Variants in ADAMTSL1 observed in about 807,000 individuals in gnomAD.
ADAMTSL1 encodes the protein ADAMTS like 1, also known as ADAMTS-like protein 1.
In ADAMTSL1, 126 loss-of-function variants were observed where a neutral mutation model predicts 201.8. That is an observed-to-expected ratio of 0.62 (90% CI 0.54 to 0.72). The LOEUF (loss-of-function observed/expected upper bound fraction) is 0.72. Among genes scored for constraint, ADAMTSL1 ranks in the 30% least tolerant of loss-of-function variants. ADAMTSL1 has a pLI of 0.00. For missense variants in ADAMTSL1, 2,679 were observed against 2,277.8 expected, an observed-to-expected ratio of 1.18 and a Z score of -3.59; for synonymous variants, 1,121 against 903.4, an observed-to-expected ratio of 1.24 and a Z score of -4.32.
At chr9:18,326,110 C>T (rs1834822426) in intron 2 of ADAMTSL1, among the ~76,000 whole-genome samples, 1 of 152,170 alleles carries the variant, frequency 6.6e-6, no homozygotes, top group South Asian at 2.1e-4. Context: ...AAGGCCCCAC[C>T]TCTTAATGCT....
intron 1 of ADAMTSL1, among the ~76,000 whole-genome samples, chr9:18,107,260 G>A (rs1824799085): frequency 6.6e-6 from 1 of 152,256 alleles, no homozygotes. Flanking sequence ...CAAAATTTGT[G>A]AGCTGGATGG....
At chr9:18,060,622 C>T (rs1463740255) in intron 1 of ADAMTSL1, among the ~76,000 whole-genome samples, 2 of 152,092 alleles carry the variant, frequency 1.3e-5, no homozygotes, top group Non-Finnish European at 2.9e-5. Flanking sequence ...AAAACAAAAA[C>T]CATAAAACAA....
At chr9:18,509,481 G>T (rs548439683) in intron 2 of ADAMTSL1, among the ~76,000 whole-genome samples, 1 of 152,158 alleles carries the variant, frequency 6.6e-6, no homozygotes, top group Non-Finnish European at 1.5e-5. Flanking sequence ...AGGAATTATT[G>T]CTTGGCTAGG....
intron 2 of ADAMTSL1, among the ~76,000 whole-genome samples, chr9:18,233,645 AAG>A (rs1459959554): frequency 6.6e-6 from 1 of 152,210 alleles, no homozygotes; most frequent in African/African-American, 2.4e-5. Context: ...ATTGTGAAAT[AAG>A]AGAGAAAAAT....
chr9:18,241,408 C>G (rs1254148428), intron 2 of ADAMTSL1, among the ~76,000 whole-genome samples: 1 of 152,158 alleles, frequency 6.6e-6, no homozygotes, highest in East Asian at 1.9e-4. Flanking sequence ...CTTAAGCTTC[C>G]TAGTCTTGCT....
intron 2 of ADAMTSL1, among the ~76,000 whole-genome samples, chr9:18,183,705 C>T (rs901056812): frequency 2.6e-5 from 4 of 152,060 alleles, no homozygotes; most frequent in South Asian, 2.1e-4. Flanking sequence ...AAAATCCAAA[C>T]GCTGACATCA....
chr9:18,404,125 A>G (rs1482001941), intron 2 of ADAMTSL1, among the ~76,000 whole-genome samples: 4 of 152,194 alleles, frequency 2.6e-5, no homozygotes, highest in Non-Finnish European at 2.9e-5. Flanking sequence ...TTCTCTCACA[A>G]ATAGAATTCT....
At chr9:18,716,424 A>C (rs1832936102) in intron 14 of ADAMTSL1, among the ~76,000 whole-genome samples, 1 of 152,194 alleles carries the variant, frequency 6.6e-6, no homozygotes, top group Admixed American at 6.5e-5. Flanking sequence ...GAAAGTGGGC[A>C]AAGGACATGA....
rs555698639 is a variant in ADAMTSL1, at chr9:18,375,336, T to A, written c.208-129493T>A. On this transcript the variant is annotated intron_variant, in intron 2 of 29. Coordinates refer to the ADAMTSL1 transcript ENST00000680146. ...ATTACTGGTGGGCTAATTGCTATTT[T>A]TTTTATTTTATTTATTTTATATTAT... Among the ~76,000 whole-genome samples, 520 of 152,290 alleles carry A rather than the reference T, an allele frequency of 3.4e-3. 3 individuals are homozygous for A. The highest frequency in any genetic ancestry group is 0.012 in the African/African-American group (493 of 41,564).
intron 1 of ADAMTSL1, among the ~76,000 whole-genome samples, chr9:18,503,421 G>GTGTATGTATATATATATATATATATATA (rs376466829): frequency 2.6e-5 from 3 of 115,272 alleles, no homozygotes; most frequent in African/African-American, 6.1e-5. Context: ...ATTCCATTGT[G>GTGTATGTATATATATATATATATATATA]TATATATATA....
intron 23 of ADAMTSL1, among the ~76,000 whole-genome samples, chr9:18,841,431 C>T (rs371203956): frequency 3.9e-4 from 59 of 152,146 alleles, no homozygotes; most frequent in Middle Eastern, 3.4e-3. Flanking sequence ...CTGCTGGATT[C>T]GGTTTGCCAG....
rs1207827568 is a variant in ADAMTSL1 at position 18,777,507 on chromosome 9, G to A, written c.3278G>A (p.Arg1093His). Reference protein sequence around the residue: ...GNLSQQPEELRDLYSKHLVAQ... With the variant: ...GNLSQQPEELHDLYSKHLVAQ... ...CTCTCCCAGCAGCCCGAGGAGCTGC[G>A]CGACCTCTACAGCAAGCACCTGGTG... Residue 1093 changes from arginine (R) to histidine (H), a missense_variant, in exon 19 of 29, where the codon CGC (arginine) becomes CAC (histidine). Arg to His is a conservative substitution (Grantham distance 29). Transcript: ENST00000380548. 7 of 1,597,332 alleles carry A rather than the reference G, an allele frequency of 4.4e-6. No individual in the cohort carries two copies. The highest frequency in any genetic ancestry group is 5.1e-6 in the Non-Finnish European group (6 of 1,172,502).
intron 1 of ADAMTSL1, among the ~76,000 whole-genome samples, chr9:18,155,283 C>A (rs1305839892): frequency 6.6e-6 from 1 of 151,996 alleles, no homozygotes; most frequent in African/African-American, 2.4e-5. Context: ...AAATTCATTG[C>A]ACTAACTGGA....
At chr9:18,287,337 GTGTGTA>G (rs1833030180) in intron 2 of ADAMTSL1, among the ~76,000 whole-genome samples, 2 of 151,438 alleles carry the variant, frequency 1.3e-5, no homozygotes, top group Non-Finnish European at 2.9e-5. Context: ...ACACACACGT[GTGTGTA>G]TATATACACA....
chr9:18,194,203 C>A (rs1374585220), intron 2 of ADAMTSL1, among the ~76,000 whole-genome samples: 2 of 151,940 alleles, frequency 1.3e-5, no homozygotes, highest in African/African-American at 2.4e-5. Flanking sequence ...CCTCCTTTGA[C>A]CGTGGGGGGA....
intron 4 of ADAMTSL1, among the ~76,000 whole-genome samples, chr9:18,617,270 C>T (rs1825750017): frequency 6.6e-6 from 1 of 152,136 alleles, no homozygotes; most frequent in African/African-American, 2.4e-5. Flanking sequence ...AAATTATTAG[C>T]ATGGTGATCT....
intron 1 of ADAMTSL1, among the ~76,000 whole-genome samples, chr9:17,946,192 G>A (rs958171275): frequency 3.3e-5 from 5 of 150,526 alleles, no homozygotes; most frequent in Non-Finnish European, 3.0e-5. Flanking sequence ...TAGAGATGAG[G>A]TCTTCTGTAT....
At chr9:18,363,096 A>C (rs548901662) in intron 2 of ADAMTSL1, among the ~76,000 whole-genome samples, 1 of 152,232 alleles carries the variant, frequency 6.6e-6, no homozygotes, top group African/African-American at 2.4e-5. Flanking sequence ...TAAAAGTGTT[A>C]TGGGAGACAA....
At chr9:18,817,344 G>A in intron 21 of ADAMTSL1, 107 bp downstream of exon 21, 3 of 1,163,966 alleles carry the variant, frequency 2.6e-6, no homozygotes, top group Non-Finnish European at 3.5e-6. Flanking sequence ...TATAGTGCTA[G>A]TAGGAAAGCC....
Sources: allele counts gnomAD v4.1 joint callset (sites outside exome capture counted in the v4.1 genomes callset), GRCh38; gene constraint gnomAD v4.1.1; transcripts MANE v1.5; gene names NCBI Gene and HGNC (gene_info 2026-07-23, HGNC 2026-07-21).